Variants in THTPA observed in about 807,000 individuals in gnomAD.
THTPA encodes the protein thiamine triphosphatase.
THTPA carries 16 observed loss-of-function variants against 16.5 expected under a neutral mutation model. The observed-to-expected ratio is 0.97, with a 90% CI of 0.66 to 1.47. The LOEUF (loss-of-function observed/expected upper bound fraction) is 1.47, where lower values mean the gene tolerates loss of function less well. Ranked by LOEUF, THTPA falls within the 40% of genes most tolerant of loss-of-function variation. The probability of loss-of-function intolerance (pLI) is 0.00; values close to 1 mark genes in which losing one functional copy is unlikely to be tolerated. For synonymous variants in THTPA, 110 were observed against 115.5 expected (o/e 0.95, Z 0.30); for missense variants, 281 against 280.9 (o/e 1.00, Z 0.00).
chr14:23,546,437 G>T, the THTPA span, among the ~76,000 whole-genome samples: 2 of 152,268 alleles, frequency 1.3e-5, no homozygotes, highest in Non-Finnish European at 1.5e-5. The surrounding 1 kb of genome is among the most constrained non-coding windows in gnomAD (Gnocchi z 4.7). Context: ...CCATGCCAGT[G>T]GTACAGCTTG....
chr14:23,524,903 G>A, the THTPA span: 1 of 1,536,310 alleles, frequency 6.5e-7, no homozygotes, highest in Non-Finnish European at 8.7e-7. This position sits in a 1 kb window ranked among gnomAD's most constrained non-coding sequence, Gnocchi z 5.6. Flanking sequence ...AAAAACACAG[G>A]AGAAAGTGGC....
chr14:23,511,891 C>T, the THTPA span: 9 of 151,956 alleles, frequency 5.9e-5, no homozygotes, highest in Non-Finnish European at 1.0e-4. Context: ...CTCACTTGGA[C>T]TGCAGTTTTA....
At chr14:23,528,570 G>C in the THTPA span, 1 of 981,706 alleles carries the variant, frequency 1.0e-6, no homozygotes, top group South Asian at 4.7e-5. Context: ...TGGACCCAGA[G>C]GCTCCCTTGT....
the THTPA span, among the ~76,000 whole-genome samples, chr14:23,515,413 C>T: frequency 2.0e-5 from 3 of 152,130 alleles, no homozygotes; most frequent in Non-Finnish European, 2.9e-5. Flanking sequence ...ACTTGTCCTT[C>T]CAGAAAGACT....
At chr14:23,529,360 G>A in the THTPA span, 5 of 274,126 alleles carry the variant, frequency 1.8e-5, no homozygotes, top group East Asian at 3.9e-4. Flanking sequence ...CTAACTAAGG[G>A]ATAAAGAGCT....
chr14:23,528,082 A>AT, the THTPA span, among the ~76,000 whole-genome samples: 1 of 151,544 alleles, frequency 6.6e-6, no homozygotes, highest in Non-Finnish European at 1.5e-5. Flanking sequence ...TAATTTTTGT[A>AT]TTTTTTAGTG....
At chr14:23,534,142 G>T in the THTPA span, 16 of 1,475,126 alleles carry the variant, frequency 1.1e-5, no homozygotes, top group Admixed American at 2.3e-4. This position sits in a 1 kb window ranked among gnomAD's most constrained non-coding sequence, Gnocchi z 4.5. Context: ...CTCCTTGGAG[G>T]TGGGTGAGCT....
chr14:23,554,549 A>T (rs796807965), upstream of THTPA, among the ~76,000 whole-genome samples: 364 of 135,658 alleles, frequency 2.7e-3, 2 homozygotes, highest in Admixed American at 3.5e-3. Flanking sequence ...GCTAATTAAA[A>T]TTTTTTTTTT....
At chr14:23,531,764 T>C in the THTPA span, 1 of 1,286,038 alleles carries the variant, frequency 7.8e-7, no homozygotes, top group Non-Finnish European at 9.8e-7. Context: ...AGAAGGGACA[T>C]GCCAGACCTC....
At chr14:23,527,900 C>CA in the THTPA span, 1 of 808,460 alleles carries the variant, frequency 1.2e-6, no homozygotes, top group Non-Finnish European at 1.8e-6. Flanking sequence ...CGCCCCCACT[C>CA]CTTTTTTTTT....
chr14:23,533,000 G>A, the THTPA span: 4 of 1,536,186 alleles, frequency 2.6e-6, no homozygotes, highest in Non-Finnish European at 3.5e-6. Flanking sequence ...GTCGTCTGGG[G>A]GTGGTGAGGT....
At chr14:23,523,276 G>A in the THTPA span, 5 of 1,437,970 alleles carry the variant, frequency 3.5e-6, no homozygotes, top group Non-Finnish European at 3.6e-6. The surrounding 1 kb of genome is among the most constrained non-coding windows in gnomAD (Gnocchi z 4.1). Context: ...CCGGCGCCAG[G>A]CGAGGCAAGG....
the THTPA span, chr14:23,524,779 C>T: frequency 3.3e-6 from 5 of 1,536,498 alleles, no homozygotes; most frequent in African/African-American, 1.4e-5. The surrounding 1 kb of genome is among the most constrained non-coding windows in gnomAD (Gnocchi z 5.6). Context: ...GGCCCTGTTC[C>T]TCCTCTACTT....
At chr14:23,558,540 G>T (rs1882831711) in intron 1 of THTPA, among the ~76,000 whole-genome samples, 155 bp from the exon 2 acceptor site, 1 of 152,212 alleles carries the variant, frequency 6.6e-6, no homozygotes, top group Non-Finnish European at 1.5e-5. Context: ...CAGGCAGGGA[G>T]TGGACTAGTG....
At chr14:23,522,824 G>A in the THTPA span, 2 of 1,535,396 alleles carry the variant, frequency 1.3e-6, no homozygotes, top group African/African-American at 2.7e-5. Flanking sequence ...GGAGGTGTTG[G>A]TTTGGTCGGG....
the THTPA span, chr14:23,530,774 T>C: frequency 9.1e-5 from 26 of 285,336 alleles, no homozygotes; most frequent in Non-Finnish European, 1.4e-4. Context: ...CCAGCCAGCA[T>C]ATTGGCAATT....
At chr14:23,512,108 T>C in the THTPA span, among the ~76,000 whole-genome samples, 1 of 152,012 alleles carries the variant, frequency 6.6e-6, no homozygotes, top group Non-Finnish European at 1.5e-5. Flanking sequence ...CAGCCTGCCC[T>C]GTAGGAATGT....
the THTPA span, chr14:23,535,381 G>A: frequency 7.0e-7 from 1 of 1,432,484 alleles, no homozygotes; most frequent in Non-Finnish European, 9.1e-7. This position sits in a 1 kb window ranked among gnomAD's most constrained non-coding sequence, Gnocchi z 4.5. Context: ...TACCCTGTAG[G>A]GAGACAAGGA....
rs1352268276 is a variant in THTPA at position 23,556,828 on chromosome 14, A to T, written c.71A>T (p.Glu24Val). 1 of 1,613,298 alleles carries T rather than the reference A, an allele frequency of 6.2e-7. No homozygotes were observed. Among genetic ancestry groups the T allele is most frequent in the East Asian group, 2.2e-5 (1 of 44,844 alleles). ...CCTGGCACAGAGGAGCGGCTGCAGGAGTTGGGGGGCACCCTGGAGTACCGG... is the reference window on the plus strand; with the variant it reads ...CCTGGCACAGAGGAGCGGCTGCAGGTGTTGGGGGGCACCCTGGAGTACCGG... The part of the protein sequence containing the change: ...PGPGTEERLQ[E>V]LGGTLEYRVT... Residue 24 changes from glutamate (E) to valine (V), a missense_variant, in exon 1 of 2, where the codon GAG (glutamate) becomes GTG (valine). Transcript: ENST00000288014.
Sources: allele counts gnomAD v4.1 joint callset (sites outside exome capture counted in the v4.1 genomes callset), GRCh38; gene constraint gnomAD v4.1.1; non-coding constraint Gnocchi (gnomAD v3.1); transcripts MANE v1.5; gene names NCBI Gene and HGNC (gene_info 2026-07-23, HGNC 2026-07-21).